The following UNC79 variants were observed in gnomAD, a reference collection of about 807,000 sequenced individuals.
UNC79 encodes the protein unc-79 subunit of NALCN channel complex.
A neutral mutation model predicts 283.1 loss-of-function variants in UNC79; 37 were observed. The ratio of observed to expected loss-of-function variants is 0.13; its 90% CI spans 0.10 to 0.17. The LOEUF is 0.17. UNC79 is among the 10% of genes least tolerant of loss of function. The probability of loss-of-function intolerance (pLI) is 1.00; values close to 1 mark genes in which losing one functional copy is unlikely to be tolerated. For synonymous variants in UNC79, 1,107 were observed against 1,200.2 expected (o/e 0.92, Z 1.61); for missense variants, 2,272 against 3,211.1 (o/e 0.71, Z 7.07).
At chr14:93,363,886 T>C (rs1323078239) in intron 1 of UNC79, among the ~76,000 whole-genome samples, 1 of 151,714 alleles carries the variant, frequency 6.6e-6, no homozygotes, top group African/African-American at 2.4e-5. Flanking sequence ...ACCCAGCTAA[T>C]TTTTTTTGTA....
At chr14:93,683,344 T>G (rs1338151554) in intron 42 of UNC79, among the ~76,000 whole-genome samples, 1 of 152,126 alleles carries the variant, frequency 6.6e-6, no homozygotes, top group African/African-American at 2.4e-5. Context: ...TGATTGTGGT[T>G]GGGGAAAGGG....
chr14:93,588,349 A>G (rs1451998113), intron 22 of UNC79, among the ~76,000 whole-genome samples: 1 of 152,200 alleles, frequency 6.6e-6, no homozygotes, highest in Non-Finnish European at 1.5e-5. Context: ...TAAACACACA[A>G]TGCAGAACTT....
At chr14:93,652,596 G>A (rs2070410434) in intron 35 of UNC79, among the ~76,000 whole-genome samples, 1 of 152,118 alleles carries the variant, frequency 6.6e-6, no homozygotes, top group African/African-American at 2.4e-5. Flanking sequence ...GTTGACTTTT[G>A]TGAGATGTAT....
chr14:93,497,814 C>T (rs1047091652), intron 7 of UNC79, among the ~76,000 whole-genome samples: 3 of 152,012 alleles, frequency 2.0e-5, no homozygotes, highest in East Asian at 3.9e-4. Flanking sequence ...GGTGAAACCC[C>T]GTCTCTACTA....
At chr14:93,686,356 G>A (rs954652415) in intron 42 of UNC79, among the ~76,000 whole-genome samples, 1 of 152,108 alleles carries the variant, frequency 6.6e-6, no homozygotes, top group African/African-American at 2.4e-5. Flanking sequence ...TCTCCCATAG[G>A]CCTCTCCTGT....
intron 23 of UNC79, among the ~76,000 whole-genome samples, chr14:93,594,466 C>T (rs1239983835): frequency 2.6e-5 from 4 of 152,218 alleles, no homozygotes; most frequent in East Asian, 1.9e-4. Flanking sequence ...GACAAGGTTT[C>T]AGTATGTTGA....
At chr14:93,448,364 AT>A (rs933754862) in intron 1 of UNC79, among the ~76,000 whole-genome samples, 1 of 151,826 alleles carries the variant, frequency 6.6e-6, no homozygotes, top group African/African-American at 2.4e-5. Context: ...TTCTTGCATG[AT>A]TTTTTTATTT....
At chr14:93,471,881 G>A (rs1337526091) in intron 2 of UNC79, among the ~76,000 whole-genome samples, 1 of 151,900 alleles carries the variant, frequency 6.6e-6, no homozygotes, top group Admixed American at 6.6e-5. Flanking sequence ...ACATATACAG[G>A]AAGGGAAAAA....
chr14:93,630,939 A>G (rs374832408), intron 31 of UNC79, 31 bp downstream of exon 33: 4 of 1,590,852 alleles, frequency 2.5e-6, no homozygotes, highest in Middle Eastern at 1.7e-4. Context: ...TATTTCATCT[A>G]TGCATTTATT....
upstream of UNC79, among the ~76,000 whole-genome samples, chr14:93,427,657 ATTTT>A (rs368982819): frequency 2.1e-4 from 31 of 146,480 alleles, no homozygotes; most frequent in African/African-American, 7.5e-4. Flanking sequence ...TAAGAAGCAG[ATTTT>A]TTTTTTTGTC....
intron 1 of UNC79, among the ~76,000 whole-genome samples, chr14:93,452,338 G>A (rs2056668131): frequency 6.7e-6 from 1 of 150,126 alleles, no homozygotes; most frequent in Non-Finnish European, 1.5e-5. Flanking sequence ...AACATTTACT[G>A]AATGTGTGAA....
At chr14:93,386,940 T>C (rs1407287570) in intron 1 of UNC79, among the ~76,000 whole-genome samples, 1 of 121,818 alleles carries the variant, frequency 8.2e-6, no homozygotes, top group Non-Finnish European at 1.7e-5. Flanking sequence ...TTTTTTTTTT[T>C]TTTTTTTTTT....
chr14:93,560,323 A>G (rs1346610716), intron 14 of UNC79, among the ~76,000 whole-genome samples: 2 of 152,176 alleles, frequency 1.3e-5, no homozygotes, highest in African/African-American at 4.8e-5. Context: ...AGGTAAAAAC[A>G]ACAATCTTCA....
In UNC79 at chr14:93,621,658, A is replaced by C. The variant is rs1210749270; in HGVS notation, c.4425A>C (p.Ala1475=). 6.3e-7 allele frequency: 1 copy of C among 1,598,766 alleles called. No homozygotes were observed. Among genetic ancestry groups the C allele is most frequent in the African/African-American group, 1.4e-5 (1 of 73,936 alleles). ...TGGCTGAATATAGAGAGACGGGTGC[A>C]TTACAAGACAGCCTTCTCCACTGTG... The change falls in exon 30 of 49, where the codon GCA becomes GCC. Residue 1475 remains alanine (A), a synonymous_variant. Coordinates refer to ENST00000555664, the Ensembl canonical transcript of UNC79. This position sits in a 1 kb window ranked among gnomAD's most constrained non-coding sequence, Gnocchi z 4.8.
chr14:93,577,776 A>G (rs2063555403), intron 17 of UNC79, 66 bp from the exon 18 acceptor site: 2 of 1,538,472 alleles, frequency 1.3e-6, no homozygotes, highest in Non-Finnish European at 1.8e-6. Context: ...AGAGTCCCCG[A>G]ATATTTTACA....
intron 1 of UNC79, among the ~76,000 whole-genome samples, chr14:93,342,540 A>C (rs957666605): frequency 1.3e-5 from 2 of 152,200 alleles, no homozygotes; most frequent in Admixed American, 6.5e-5. Flanking sequence ...TTGGCCATTG[A>C]CATTTGGCCT....
chr14:93,404,137 A>C (rs1222939210), intron 1 of UNC79, among the ~76,000 whole-genome samples: 1 of 152,098 alleles, frequency 6.6e-6, no homozygotes, highest in East Asian at 1.9e-4. Flanking sequence ...CTGTTGACCA[A>C]GAGAATGGTG....
chr14:93,559,098 A>C (rs1409114398), intron 14 of UNC79, among the ~76,000 whole-genome samples: 2 of 152,230 alleles, frequency 1.3e-5, no homozygotes, highest in African/African-American at 4.8e-5. Flanking sequence ...CAGCCCCCAG[A>C]ATCACAGCTG....
At chr14:93,436,785 T>C (rs986978605) in intron 1 of UNC79, among the ~76,000 whole-genome samples, 6 of 152,210 alleles carry the variant, frequency 3.9e-5, no homozygotes, top group African/African-American at 1.4e-4. Context: ...TCTTGCTTTC[T>C]GTAATGTGAA....
Sources: gnomAD v4.1 joint callset for allele counts (sites outside exome capture counted in the v4.1 genomes callset) on GRCh38, gnomAD v4.1.1 for gene constraint, Gnocchi (gnomAD v3.1) non-coding constraint, MANE v1.5 for transcripts, NCBI Gene and HGNC (gene_info 2026-07-23, HGNC 2026-07-21) for gene names.